NEB: variants seen among roughly 807,000 people sequenced by gnomAD.
NEB encodes the protein nebulin, also known as nemaline myopathy type 2.
Under a neutral mutation model 952.2 loss-of-function variants are expected in NEB, and 512 were observed. The ratio of observed to expected loss-of-function variants is 0.54; its 90% CI spans 0.50 to 0.58. The LOEUF (loss-of-function observed/expected upper bound fraction) is 0.58. NEB is among the 20% of genes least tolerant of loss of function. The pLI is 0.00. For missense variants in NEB, 8,428 were observed against 9,231.1 expected, an observed-to-expected ratio of 0.91 and a Z score of 3.56; for synonymous variants, 2,900 against 3,149.8, an observed-to-expected ratio of 0.92 and a Z score of 2.66.
At chr2:151,618,058 C>G (rs532618407) in intron 74 of NEB, among the ~76,000 whole-genome samples, 1 of 151,952 alleles carries the variant, frequency 6.6e-6, no homozygotes, top group Non-Finnish European at 1.5e-5. Context: ...AAAACTTAGT[C>G]TCAAAAAACA....
At chr2:151,487,941 GAATATGATAC>G (rs1211262910) in intron 181 of NEB, among the ~76,000 whole-genome samples, 2 of 151,994 alleles carry the variant, frequency 1.3e-5, no homozygotes, top group Non-Finnish European at 2.9e-5. Flanking sequence ...TAAAATGTTC[GAATATGATAC>G]AATATGATAT....
chr2:151,674,063 G>T (rs1391364254), intron 36 of NEB, among the ~76,000 whole-genome samples: 2 of 152,144 alleles, frequency 1.3e-5, no homozygotes, highest in African/African-American at 4.8e-5. Flanking sequence ...TAAAAAAGTG[G>T]ACTTTTCCCT....
chr2:151,495,302 C>T (rs959438151), intron 173 of NEB: 4 of 152,180 alleles, frequency 2.6e-5, no homozygotes, highest in African/African-American at 7.2e-5. Context: ...TAGTGATTCT[C>T]AACGTGGGGT....
At position 151,621,114 on chromosome 2, in the gene NEB, G is replaced by A. The variant is rs2154028199; in HGVS notation, c.10453-88C>T. ...TGCCAAAGGAAGACCACTTTTGGAT[G>A]CAAAACTACATGAGTATGTTCAGCC... On this transcript the variant is annotated intron_variant, in intron 71 of 181. Coordinates refer to ENST00000397345, the MANE Select transcript of NEB (RefSeq NM_001164508.2). 4.4e-6 allele frequency: 4 copies of A among 910,016 alleles called. No homozygotes were observed. The East Asian group carries it at 1.1e-4, about 24-fold the overall frequency. The allele number at this position is 910,016 out of a possible 1,614,324, so 56.4% of individuals were successfully genotyped here.
chr2:151,505,163 C>A (rs1459648906), intron 165 of NEB, among the ~76,000 whole-genome samples: 1 of 152,144 alleles, frequency 6.6e-6, no homozygotes, highest in African/African-American at 2.4e-5. Context: ...ATCCCAATAA[C>A]CTTATTACTA....
rs1337683356 is a variant in NEB, at chr2:151,639,846, T to G, written c.8889+11A>C. 6.2e-7 allele frequency: 1 copy of G among 1,602,300 alleles called. No homozygotes were observed. Among genetic ancestry groups the G allele is most frequent in the Non-Finnish European group, 8.5e-7 (1 of 1,171,982 alleles). Reference sequence around the variant, plus strand: ...GGAGCCCCACTTCGATTCTTAATTTTGAAGTCTCACCTTGTTCATAGTGAT... The same window carrying G: ...GGAGCCCCACTTCGATTCTTAATTTGGAAGTCTCACCTTGTTCATAGTGAT... On this transcript the variant is annotated intron_variant, in intron 62 of 181. Coordinates refer to ENST00000397345, the MANE Select transcript of NEB (RefSeq NM_001164508.2).
chr2:151,709,358 G>T (rs1295844953), intron 12 of NEB, among the ~76,000 whole-genome samples: 4 of 152,104 alleles, frequency 2.6e-5, no homozygotes, highest in Non-Finnish European at 4.4e-5. Flanking sequence ...TGTACAGTTT[G>T]GTTCCTCAGG....
In NEB at chr2:151,655,906, G is replaced by A. The variant is rs577410545; in HGVS notation, c.6613C>T (p.Arg2205Cys). The A allele has an allele frequency of 6.1e-5, 99 of 1,613,682 alleles. 1 individual carries two copies. The South Asian group carries it at 7.7e-4, about 13-fold the overall frequency. ...ATEYASDQKY[R>C]QHPSNFQFKK... is the part of the protein sequence containing the mutation. ...AACTGGAAGTTGCTCGGGTGCTGGCGGTATTTCTGATCACTGGCATATTCA... is the reference window on the plus strand; with the variant it reads ...AACTGGAAGTTGCTCGGGTGCTGGCAGTATTTCTGATCACTGGCATATTCA... The change falls in exon 50 of 182, where the codon CGC becomes TGC. Residue 2205 changes from arginine (R) to cysteine (C), a missense_variant. This residue lies in a region of NEB where 2,851 missense variants were observed against 2,791.5 expected (regional missense o/e 1.02). Transcript: ENST00000397345.
At chr2:151,542,973 A>G (rs145307633) in intron 135 of NEB, among the ~76,000 whole-genome samples, 2 of 152,278 alleles carry the variant, frequency 1.3e-5, no homozygotes, top group African/African-American at 4.8e-5. Context: ...GGAACTCATT[A>G]TGGCTGCTTT....
At chr2:151,609,658 T>C (rs1165962767) in intron 81 of NEB, 151 bp downstream of exon 81, 2 of 553,994 alleles carry the variant, frequency 3.6e-6, no homozygotes, top group Non-Finnish European at 6.0e-6. Flanking sequence ...TAAAGATGGA[T>C]TTTATATTAA....
At chr2:151,632,001 C>A (rs888236624) in intron 65 of NEB, among the ~76,000 whole-genome samples, 1 of 152,116 alleles carries the variant, frequency 6.6e-6, no homozygotes, top group African/African-American at 2.4e-5. Context: ...TCTTCAACAG[C>A]TGTAACTCTG....
At chr2:151,673,070 G>A (rs1028597391) in intron 36 of NEB, among the ~76,000 whole-genome samples, 7 of 152,168 alleles carry the variant, frequency 4.6e-5, no homozygotes, top group Non-Finnish European at 7.3e-5. Flanking sequence ...ACCAGCTATA[G>A]GATAGCTGGG....
In NEB at chr2:151,642,696, A is replaced by G. The variant is rs1360215975; in HGVS notation, c.8266-15T>C. ...TTATACAATTTCTAAAATAGACATTAATAGTAAGTTGGATTTATAAAGTGC... is the reference window on the plus strand; with the variant it reads ...TTATACAATTTCTAAAATAGACATTGATAGTAAGTTGGATTTATAAAGTGC... On this transcript the variant is annotated splice_polypyrimidine_tract_variant and intron_variant, in intron 59 of 181. Transcript: ENST00000397345. 2 of 1,611,398 alleles carry G rather than the reference A, an allele frequency of 1.2e-6. No homozygotes were observed. Among genetic ancestry groups the G allele is most frequent in the Non-Finnish European group, 1.7e-6 (2 of 1,177,952 alleles).
chr2:151,525,415 GTTC>G (rs1164283517), intron 150 of NEB, 142 bp from the exon 151 acceptor site: 1 of 635,386 alleles, frequency 1.6e-6, no homozygotes, highest in East Asian at 2.7e-5. Context: ...CCATATTCTA[GTTC>G]TTCTCTGTCA....
intron 159 of NEB, among the ~76,000 whole-genome samples, 190 bp downstream of exon 159, chr2:151,514,128 C>G (rs1559425808): frequency 6.6e-6 from 1 of 152,184 alleles, no homozygotes; most frequent in South Asian, 2.1e-4. Context: ...CACACTGTTA[C>G]AATATCCATT....
chr2:151,720,668 C>T (rs566546892), intron 9 of NEB, among the ~76,000 whole-genome samples: 1 of 152,244 alleles, frequency 6.6e-6, no homozygotes, highest in South Asian at 2.1e-4. Context: ...AGGAGATTAA[C>T]TGTCTTCTTG....
intron 117 of NEB, among the ~76,000 whole-genome samples, chr2:151,564,302 G>C (rs551432484): frequency 6.6e-6 from 1 of 151,856 alleles, no homozygotes; most frequent in Non-Finnish European, 1.5e-5. Flanking sequence ...TTACACGCAC[G>C]CACCACTATG....
intron 10 of NEB, among the ~76,000 whole-genome samples, chr2:151,713,509 T>C (rs956820612): frequency 3.9e-5 from 6 of 152,198 alleles, no homozygotes; most frequent in African/African-American, 1.4e-4. Context: ...TCATGCTGTG[T>C]AACAATATGT....
At position 151,506,026 on chromosome 2, in the gene NEB, G is replaced by A. The variant is rs569938511; in HGVS notation, c.23649+140C>T. 5.2e-6 allele frequency: 4 copies of A among 762,078 alleles called. No individual in the cohort carries two copies. In the South Asian group the frequency reaches 6.0e-5, roughly 11 times the overall value. 47.2% of individuals were successfully genotyped at this position (762,078 alleles called of 1,614,324 possible). A position where few individuals can be genotyped will look rare whatever the true frequency, so the allele number is the denominator to read the frequency against. ...TGAATATGAGATGACTCTAGCCACT[G>A]TGTGGTGGTGGTACACAGGCACCTA... On this transcript the variant is annotated intron_variant, in intron 164 of 181. Coordinates refer to ENST00000397345, the MANE Select transcript of NEB (RefSeq NM_001164508.2).
Sources: allele counts gnomAD v4.1 joint callset (sites outside exome capture counted in the v4.1 genomes callset), GRCh38; gene constraint gnomAD v4.1.1; regional missense constraint gnomAD v4.1.1; transcripts MANE v1.5; gene names NCBI Gene and HGNC (gene_info 2026-07-23, HGNC 2026-07-21).